PRKCE: variants seen among roughly 807,000 people sequenced by gnomAD.
The protein encoded by PRKCE is protein kinase C epsilon.
A neutral mutation model predicts 85.4 loss-of-function variants in PRKCE; 16 were observed. The observed-to-expected ratio is 0.19, with a 90% CI of 0.13 to 0.28. The LOEUF (loss-of-function observed/expected upper bound fraction) is 0.28, where lower values mean the gene tolerates loss of function less well. PRKCE is among the 10% of genes least tolerant of loss of function. PRKCE has a pLI of 1.00. For missense variants in PRKCE, 573 were observed against 975.2 expected, an observed-to-expected ratio of 0.59 and a Z score of 5.49; for synonymous variants, 388 against 371.5, an observed-to-expected ratio of 1.04 and a Z score of -0.51.
chr2:45,702,590 G>C (rs1490086149), intron 1 of PRKCE, among the ~76,000 whole-genome samples: 1 of 152,124 alleles, frequency 6.6e-6, no homozygotes, highest in East Asian at 1.9e-4. Flanking sequence ...TTCTGTACCT[G>C]GTTCCATAAA....
At chr2:45,936,664 C>G (rs944881624) in intron 2 of PRKCE, among the ~76,000 whole-genome samples, 1 of 152,272 alleles carries the variant, frequency 6.6e-6, no homozygotes, top group Non-Finnish European at 1.5e-5. Flanking sequence ...CCTGCAGCCC[C>G]TGCAGCCCTC....
chr2:46,101,834 T>TAA (rs1671258148), intron 11 of PRKCE, among the ~76,000 whole-genome samples: 2 of 139,330 alleles, frequency 1.4e-5, no homozygotes, highest in African/African-American at 5.7e-5. Context: ...AGTGTTTTGG[T>TAA]GGTGTATGCT....
At chr2:45,909,220 T>C (rs1697202062) in intron 2 of PRKCE, among the ~76,000 whole-genome samples, 1 of 152,238 alleles carries the variant, frequency 6.6e-6, no homozygotes, top group Non-Finnish European at 1.5e-5. Context: ...CATTATTTTA[T>C]TTGATATTCA....
At chr2:45,788,946 C>T (rs1270836493) in intron 1 of PRKCE, among the ~76,000 whole-genome samples, 1 of 152,192 alleles carries the variant, frequency 6.6e-6, no homozygotes, top group Non-Finnish European at 1.5e-5. Context: ...ATACCAGAAC[C>T]TAGTCCTACC....
chr2:45,767,317 T>C (rs917371171), intron 1 of PRKCE, among the ~76,000 whole-genome samples: 2 of 152,232 alleles, frequency 1.3e-5, no homozygotes, highest in African/African-American at 4.8e-5. Flanking sequence ...TGCACAGCAA[T>C]GGCTCCTTTT....
intron 2 of PRKCE, among the ~76,000 whole-genome samples, chr2:45,968,526 A>G (rs1167299178): frequency 6.6e-6 from 1 of 152,222 alleles, no homozygotes; most frequent in Non-Finnish European, 1.5e-5. Context: ...ATTGGGGTAC[A>G]ATGTACACAA....
intron 2 of PRKCE, among the ~76,000 whole-genome samples, chr2:45,915,403 A>G (rs1697690032): frequency 6.6e-6 from 1 of 152,206 alleles, no homozygotes; most frequent in Non-Finnish European, 1.5e-5. Context: ...ACTTCCAAGA[A>G]CAAAGGGTTT....
intron 1 of PRKCE, among the ~76,000 whole-genome samples, chr2:45,806,236 G>T (rs1383482311): frequency 6.6e-6 from 1 of 152,134 alleles, no homozygotes; most frequent in Non-Finnish European, 1.5e-5. Context: ...GAACCAAAGG[G>T]TCCCATGTGT....
intron 10 of PRKCE, among the ~76,000 whole-genome samples, chr2:46,036,628 C>A (rs1179933219): frequency 6.6e-6 from 1 of 152,040 alleles, no homozygotes; most frequent in Non-Finnish European, 1.5e-5. Context: ...CAGGACATGG[C>A]AAGCACACAC....
At chr2:45,780,920 A>G (rs1311282976) in intron 1 of PRKCE, among the ~76,000 whole-genome samples, 1 of 152,230 alleles carries the variant, frequency 6.6e-6, no homozygotes, top group African/African-American at 2.4e-5. Context: ...AGGACAGCTT[A>G]ACTGTCTCAG....
chr2:46,105,909 G>A lies in PRKCE; in HGVS notation c.1592+19547G>A, dbSNP rs569933434. ...TTTTCATGACTGCAAATGGCACCAG[G>A]TATGGTTGGTGTTTGCATAAGTTTT... On this transcript the variant is annotated intron_variant, in intron 11 of 14. Transcript: ENST00000306156. Among the ~76,000 whole-genome samples, 5 of 152,268 alleles carry A rather than the reference G, an allele frequency of 3.3e-5. No homozygotes were observed. In the South Asian group the frequency reaches 6.2e-4, roughly 19 times the overall value.
chr2:46,020,508 G>T (rs1195122932), intron 10 of PRKCE, among the ~76,000 whole-genome samples: 3 of 152,200 alleles, frequency 2.0e-5, no homozygotes, highest in South Asian at 2.1e-4. Context: ...ATTAAAATGG[G>T]CACATTCCTG....
Position 45,924,326 on chromosome 2 carries a change from C to T in PRKCE, c.413-52103C>T, listed in dbSNP as rs144455198. Among the ~76,000 whole-genome samples, 285 of 152,246 alleles carry T rather than the reference C, an allele frequency of 1.9e-3. 1 individual carries two copies. The highest frequency in any genetic ancestry group is 6.4e-3 in the African/African-American group (265 of 41,554). On this transcript the variant is annotated intron_variant, in intron 2 of 14. Transcript: ENST00000306156. Reference sequence around the variant, plus strand: ...CCACTGCCAGGGAAATAAATCCTTGCGCCAATTTTGAGGCTTTCTTTACTG... The same window carrying T: ...CCACTGCCAGGGAAATAAATCCTTGTGCCAATTTTGAGGCTTTCTTTACTG...
intron 2 of PRKCE, among the ~76,000 whole-genome samples, chr2:45,861,447 A>T (rs1184959582): frequency 6.6e-6 from 1 of 152,202 alleles, no homozygotes; most frequent in African/African-American, 2.4e-5. Flanking sequence ...ATTAGGTTGC[A>T]TATCTAACAG....
At position 45,904,954 on chromosome 2, in the gene PRKCE, C is replaced by T. The variant is rs116938271; in HGVS notation, c.412+61891C>T. ...GGGGGTCCACGTGTGAGGTCCCGGG[C>T]GTGGACCATGGAGAGCTGGTAGCCT... is the stretch of plus-strand genomic sequence containing the variant. On this transcript the variant is annotated intron_variant, in intron 2 of 14. Coordinates refer to ENST00000306156, the MANE Select transcript of PRKCE (RefSeq NM_005400.3). 2.0e-4 allele frequency among the ~76,000 whole-genome samples: 30 copies of T among 152,234 alleles called. No homozygotes were observed. In the East Asian group the frequency reaches 5.4e-3, roughly 27 times the overall value.
Position 45,976,722 on chromosome 2 carries a change from A to T in PRKCE, c.572+134A>T, listed in dbSNP as rs188594563. The T allele has an allele frequency of 2.7e-4, 295 of 1,099,806 alleles. 1 individual carries two copies. The African/African-American group carries it at 3.7e-3, about 14-fold the overall frequency. 68.1% of individuals were successfully genotyped at this position (1,099,806 alleles called of 1,614,324 possible). Reference sequence around the variant, plus strand: ...TTTCTTCCTTATCTGAATGCAGGGGACTATTATGGAAGGCTAAGTGTGTGT... The same window carrying T: ...TTTCTTCCTTATCTGAATGCAGGGGTCTATTATGGAAGGCTAAGTGTGTGT... On this transcript the variant is annotated intron_variant, in intron 3 of 14. Coordinates refer to ENST00000306156, the MANE Select transcript of PRKCE (RefSeq NM_005400.3).
intron 10 of PRKCE, among the ~76,000 whole-genome samples, chr2:46,025,597 C>T (rs751307088): frequency 3.3e-5 from 5 of 152,184 alleles, no homozygotes; most frequent in Admixed American, 1.3e-4. Context: ...GTCACATACA[C>T]GCTCATGTGC....
At chr2:46,089,088 C>G (rs981885599) in intron 11 of PRKCE, among the ~76,000 whole-genome samples, 16 of 152,224 alleles carry the variant, frequency 1.1e-4, no homozygotes, top group Non-Finnish European at 1.3e-4. Flanking sequence ...ATGAGCCATT[C>G]TCTTCTCCCC....
intron 1 of PRKCE, among the ~76,000 whole-genome samples, chr2:45,734,778 C>T (rs1024008918): frequency 2.6e-5 from 4 of 152,182 alleles, no homozygotes; most frequent in African/African-American, 7.2e-5. Flanking sequence ...CTTGCAGCTG[C>T]GCCCCTCCTC....
Sources: gnomAD v4.1 joint callset for allele counts (sites outside exome capture counted in the v4.1 genomes callset) on GRCh38, gnomAD v4.1.1 for gene constraint, MANE v1.5 for transcripts, NCBI Gene and HGNC (gene_info 2026-07-23, HGNC 2026-07-21) for gene names.